Variants in JAG1 observed in about 807,000 individuals in gnomAD.
The protein encoded by JAG1 is protein jagged-1.
In JAG1, 23 loss-of-function variants were observed where a neutral mutation model predicts 148.7. The observed-to-expected ratio is 0.15, with a 90% CI of 0.11 to 0.22. The LOEUF is 0.22. Among genes scored for constraint, JAG1 ranks in the 10% least tolerant of loss-of-function variants. The pLI is 1.00. For synonymous variants in JAG1, 572 were observed against 598.3 expected (o/e 0.96, Z 0.64); for missense variants, 1,054 against 1,611.2 (o/e 0.65, Z 5.92).
In JAG1 at chr20:10,646,406, G is replaced by A. The variant is rs533436452; in HGVS notation, c.1886-322C>T. 215 of 394,016 alleles carry A rather than the reference G, an allele frequency of 5.5e-4. 1 individual carries two copies. The highest frequency in any genetic ancestry group is 1.8e-3 in the South Asian group (83 of 46,158). The allele number at this position is 394,016 out of a possible 1,614,324, so 24.4% of individuals were successfully genotyped here. A position where few individuals can be genotyped will look rare whatever the true frequency, so the allele number is the denominator to read the frequency against. On this transcript the variant is annotated intron_variant, in intron 14 of 25. Transcript: ENST00000254958. ...GTTCCAACATAGATATGGAGGCTCC[G>A]AGGCAGAGTGATCTGGTAAATTGAA...
chr20:10,645,182 T>G lies in JAG1; in HGVS notation c.2188A>C (p.Met730Leu). The change falls in exon 17 of 26, where the codon ATG becomes CTG. Residue 730 changes from methionine to leucine, a missense_variant. Physicochemically the swap from Met to Leu is conservative, Grantham distance 15 (BLOSUM62 2). Coordinates refer to ENST00000254958, the MANE Select transcript of JAG1 (RefSeq NM_000214.3). This position sits in a 1 kb window ranked among gnomAD's most constrained non-coding sequence, Gnocchi z 6.1. ...CYDEGDAFKC[M>L]CPGGWEGTTC... ...GTTCCTTCCCAGCCGCCAGGACACA[T>G]GCACTTAAAAGCATCCCCCTCATCA... The G allele has an allele frequency of 6.2e-7, 1 of 1,614,116 alleles. No individual in the cohort carries two copies. The highest frequency in any genetic ancestry group is 1.1e-5 in the South Asian group (1 of 91,084).
chr20:10,669,812 A>T (rs796222305), intron 2 of JAG1, among the ~76,000 whole-genome samples: 2 of 152,218 alleles, frequency 1.3e-5, no homozygotes, highest in African/African-American at 4.8e-5. Context: ...CACTACTGGG[A>T]TTTAGCACTA....
At chr20:10,656,489 C>T in intron 4 of JAG1, 31 bp from the exon 5 acceptor site, 2 of 1,598,996 alleles carry the variant, frequency 1.3e-6, no homozygotes, top group Non-Finnish European at 1.7e-6. Flanking sequence ...CGTGTCAGCA[C>T]ACTGCCTGTT....
chr20:10,656,274 A>ATT, intron 5 of JAG1, 124 bp downstream of exon 5: 17 of 749,678 alleles, frequency 2.3e-5, no homozygotes, highest in Middle Eastern at 3.4e-4. Context: ...GTCTATCTGA[A>ATT]TTTTTTTTTT....
intron 3 of JAG1, among the ~76,000 whole-genome samples, chr20:10,659,720 T>C (rs1053659855): frequency 6.7e-6 from 1 of 149,652 alleles, no homozygotes; most frequent in Non-Finnish European, 1.5e-5. Context: ...CACAGGTAAA[T>C]TGAGGGGAGG....
rs1225360203 is a variant in JAG1 at position 10,648,706 on chromosome 20, T to C, written c.1412A>G (p.Tyr471Cys). 1.2e-6 allele frequency: 2 copies of C among 1,614,200 alleles called. No homozygotes were observed. The highest frequency in any genetic ancestry group is 8.5e-7 in the Non-Finnish European group (1 of 1,180,022). Residue 471 changes from tyrosine (Y) to cysteine (C), a missense_variant, in exon 12 of 26, where the codon TAT becomes TGT. Coordinates refer to ENST00000254958, the MANE Select transcript of JAG1 (RefSeq NM_000214.3). ...DASCRDLVNG[Y>C]RCICPPGYAG... is the part of the protein sequence containing the mutation. ...ATAGCCAGGTGGACAGATACAGCGATAACCATTAACCAAATCCTAGAAGAG... is the reference window on the plus strand; with the variant it reads ...ATAGCCAGGTGGACAGATACAGCGACAACCATTAACCAAATCCTAGAAGAG...
rs777887203 is a variant in JAG1, at chr20:10,652,430, C to T, written c.886+38G>A. ...AAACCAAATTAGTGCCATCCCACCC[C>T]CAGATCCCACCCTGGGTCTCATCCC... On this transcript the variant is annotated intron_variant, in intron 6 of 25. Transcript: ENST00000254958. 8.1e-6 allele frequency: 13 copies of T among 1,613,184 alleles called. No individual in the cohort carries two copies. The South Asian group carries it at 9.9e-5, about 12-fold the overall frequency.
intron 8 of JAG1, 70 bp from the exon 9 acceptor site, chr20:10,650,430 C>T: frequency 1.2e-5 from 10 of 852,768 alleles, no homozygotes; most frequent in Non-Finnish European, 2.0e-5. Context: ...CCTTTAACAT[C>T]ACCTCTTACA....
In JAG1 at chr20:10,656,425, C is replaced by A; in HGVS notation, c.728G>T (p.Gly243Val). The A allele has an allele frequency of 6.2e-7, 1 of 1,613,980 alleles. No homozygotes were observed. Among genetic ancestry groups the A allele is most frequent in the South Asian group, 1.1e-5 (1 of 91,072 alleles). The change falls in exon 5 of 26, where the codon GGG becomes GTG. Residue 243 changes from glycine (G) to valine (V), a missense_variant. Gly to Val is a moderately radical substitution (Grantham distance 109). This residue lies in a region of JAG1 where 104 missense variants were observed against 235.2 expected (regional missense o/e 0.44). Coordinates refer to ENST00000254958, the MANE Select transcript of JAG1 (RefSeq NM_000214.3). ...GCAGTCACCTGGGAGTTTGCAAGACCCATGCTTAGGACTGCAGCCTTGTCG... is the reference window on the plus strand; with the variant it reads ...GCAGTCACCTGGGAGTTTGCAAGACACATGCTTAGGACTGCAGCCTTGTCG... ...ICRQGCSPKH[G>V]SCKLPGDCRC... is the part of the protein sequence containing the mutation.
chr20:10,663,937 GA>G (rs767157839), intron 3 of JAG1, 25 bp downstream of exon 3: 53 of 1,606,040 alleles, frequency 3.3e-5, no homozygotes, highest in Non-Finnish European at 4.3e-5. Context: ...TGTGTTTAGA[GA>G]AAAGTCCACA....
rs531698711 is a variant in JAG1 at position 10,639,564 on chromosome 20, T to G, written c.3591A>C (p.Thr1197=). 3.7e-6 allele frequency: 6 copies of G among 1,614,236 alleles called. No individual in the cohort carries two copies. In the South Asian group the frequency reaches 5.5e-5, roughly 15 times the overall value. ...NGTPTKHPNW[T]NKQDNRDLES... is the part of the protein sequence containing the mutation. ...CCAAGTCTCTGTTGTCCTGTTTGTT[T>G]GTCCAGTTTGGGTGTTTTGTCGGCG... Residue 1197 remains threonine (T), a synonymous_variant, in exon 26 of 26, where the codon ACA becomes ACC. Transcript: ENST00000254958.
At chr20:10,647,912 A>T in intron 13 of JAG1, 48 bp downstream of exon 13, 2 of 1,607,216 alleles carry the variant, frequency 1.2e-6, no homozygotes, top group Non-Finnish European at 1.7e-6. Flanking sequence ...AAGTGGGGAC[A>T]AAAGGAGCAA....
chr20:10,656,815 A>C (rs2067382307), intron 4 of JAG1, among the ~76,000 whole-genome samples: 1 of 151,544 alleles, frequency 6.6e-6, no homozygotes, highest in African/African-American at 2.4e-5. Flanking sequence ...GAAGAAAAAA[A>C]GGTATAGATA....
intron 9 of JAG1, 89 bp downstream of exon 9, chr20:10,650,158 A>T: frequency 2.5e-6 from 2 of 795,488 alleles, no homozygotes; most frequent in Non-Finnish European, 4.4e-6. Flanking sequence ...GTGAACTCAC[A>T]CTGCCGGCCA....
At position 10,672,965 on chromosome 20, in the gene JAG1, G is replaced by A. The variant is rs761894056; in HGVS notation, c.123C>T (p.Ser41=). The A allele has an allele frequency of 5.0e-6, 8 of 1,612,198 alleles. No homozygotes were observed. Among genetic ancestry groups the A allele is most frequent in the South Asian group, 2.2e-5 (2 of 91,090 alleles). The change falls in exon 2 of 26, where the codon TCC becomes TCT. Residue 41 remains serine (S), a synonymous_variant. Coordinates refer to ENST00000254958, the MANE Select transcript of JAG1 (RefSeq NM_000214.3). The part of the protein sequence containing the change: ...ASGQFELEIL[S]MQNVNGELQN... ...GCAGCTCCCCGTTCACGTTCTGCATGGACAGGATCTCCAACTCGAACTGAC... is the reference window on the plus strand; with the variant it reads ...GCAGCTCCCCGTTCACGTTCTGCATAGACAGGATCTCCAACTCGAACTGAC...
In JAG1 at chr20:10,646,100, A is replaced by C. The variant is rs1457268883; in HGVS notation, c.1886-16T>G. 1.9e-6 allele frequency: 3 copies of C among 1,574,468 alleles called. No individual in the cohort carries two copies. Among genetic ancestry groups the C allele is most frequent in the Non-Finnish European group, 2.6e-6 (3 of 1,143,938 alleles). On this transcript the variant is annotated splice_polypyrimidine_tract_variant and intron_variant, in intron 14 of 25. Transcript: ENST00000254958. Reference sequence around the variant, plus strand: ...TCATTAATATCTATGAAACAAAGTAAAGCAAAAAAAGAACTGAAGGACTTG... The same window carrying C: ...TCATTAATATCTATGAAACAAAGTACAGCAAAAAAAGAACTGAAGGACTTG...
In JAG1 at chr20:10,651,329, T is replaced by C. The variant is rs114052023; in HGVS notation, c.1120+252A>G. The C allele has an allele frequency of 1.9e-3, 848 of 457,654 alleles. 9 individuals are homozygous for C. The highest frequency in any genetic ancestry group is 0.015 in the African/African-American group (769 of 51,454). The allele number at this position is 457,654 out of a possible 1,614,324, so 28.3% of individuals were successfully genotyped here. On this transcript the variant is annotated intron_variant, in intron 8 of 25. Transcript: ENST00000254958. The stretch of plus-strand genomic sequence containing the variant: ...AAGGTGGCCAGCTCCAGGAAGCAGA[T>C]GCAAAGGAACAAGCGATTCCACGAG...
chr20:10,652,641 T>G (rs1274615105), intron 5 of JAG1, 43 bp from the exon 6 acceptor site: 1 of 1,609,090 alleles, frequency 6.2e-7, no homozygotes, highest in Non-Finnish European at 8.5e-7. Flanking sequence ...TTTTGAACGT[T>G]AAGAGACACC....
rs2067264707 is a variant in JAG1, at chr20:10,640,717, C to G, written c.3199+66G>C. On this transcript the variant is annotated intron_variant, in intron 25 of 25. Transcript: ENST00000254958. ...GCCAGATAATCCCTCGACCTGATGG[C>G]TTTATTGAATAGTATAATGAGATCA... 4 of 1,539,872 alleles carry G rather than the reference C, an allele frequency of 2.6e-6. No homozygotes were observed. The East Asian group carries it at 9.0e-5, about 35-fold the overall frequency.
Sources: gnomAD v4.1 joint callset for allele counts (sites outside exome capture counted in the v4.1 genomes callset) on GRCh38, gnomAD v4.1.1 for gene constraint, gnomAD v4.1.1 regional missense constraint, Gnocchi (gnomAD v3.1) non-coding constraint, MANE v1.5 for transcripts, NCBI Gene and HGNC (gene_info 2026-07-23, HGNC 2026-07-21) for gene names.